The following ZNF490 variants were observed in gnomAD, a reference collection of about 807,000 sequenced individuals.
ZNF490 encodes zinc finger protein 490.
In ZNF490, 11 loss-of-function variants were observed where a neutral mutation model predicts 17.7. That is an observed-to-expected ratio of 0.62 (90% CI 0.39 to 1.03). The LOEUF is 1.03. Among genes scored for constraint, ZNF490 ranks in the 50% least tolerant of loss-of-function variants. The pLI, the probability that ZNF490 is intolerant of heterozygous loss-of-function variation, is 0.00. For synonymous variants in ZNF490, 222 were observed against 216.1 expected (o/e 1.03, Z -0.24); for missense variants, 542 against 643.4 (o/e 0.84, Z 1.71).
intron 2 of ZNF490, among the ~76,000 whole-genome samples, chr19:12,598,209 C>T (rs113024240): frequency 0.029 from 4,320 of 148,702 alleles, 119 homozygotes; most frequent in African/African-American, 0.063. Flanking sequence ...GGTGGCAGAG[C>T]GAGACTCTGT....
chr19:12,591,088 TA>T (rs1269013481), intron 2 of ZNF490, among the ~76,000 whole-genome samples: 2 of 152,034 alleles, frequency 1.3e-5, no homozygotes, highest in Non-Finnish European at 2.9e-5. Flanking sequence ...TTCATTAAAA[TA>T]AAAAAGTCCT....
At chr19:12,591,883 A>G (rs914232601) in intron 2 of ZNF490, among the ~76,000 whole-genome samples, 6 of 151,964 alleles carry the variant, frequency 3.9e-5, no homozygotes, top group Non-Finnish European at 7.4e-5. Context: ...TCATGCTCCT[A>G]GGTATTTACT....
rs2022636932 is a variant in ZNF490 at position 12,576,477 on chromosome 19, G to C, written c.*4008C>G. On this transcript the variant is annotated 3_prime_UTR_variant, in exon 5 of 5. Coordinates refer to ENST00000311437, the MANE Select transcript of ZNF490 (RefSeq NM_020714.3). ...GCCGAGATCATGCCACTGCAGTCCAGCTTGGTGACAGAGCGAGACTGTGTC... is the reference window on the plus strand; with the variant it reads ...GCCGAGATCATGCCACTGCAGTCCACCTTGGTGACAGAGCGAGACTGTGTC... 6.6e-6 allele frequency among the ~76,000 whole-genome samples: 1 copy of C among 151,726 alleles called. No individual in the cohort carries two copies. Among genetic ancestry groups the C allele is most frequent in the Non-Finnish European group, 1.5e-5 (1 of 67,986 alleles).
At position 12,583,566 on chromosome 19, in the gene ZNF490, C is replaced by T; in HGVS notation, c.163-10G>A. On this transcript the variant is annotated splice_polypyrimidine_tract_variant and intron_variant, in intron 2 of 4. Transcript: ENST00000311437. ...CAAGGGAGATGGAGTCCTAAAACAT[C>T]CCCCATGTGTGTTTAGGAGGAGGAG... 1 of 1,580,988 alleles carries T rather than the reference C, an allele frequency of 6.3e-7. No homozygotes were observed. Among genetic ancestry groups the T allele is most frequent in the Non-Finnish European group, 8.6e-7 (1 of 1,160,302 alleles).
At chr19:12,603,999 C>T (rs1035338610) in intron 2 of ZNF490, among the ~76,000 whole-genome samples, 1 of 152,092 alleles carries the variant, frequency 6.6e-6, no homozygotes, top group South Asian at 2.1e-4. Context: ...GTGACTGGAG[C>T]TTTGAAACTT....
chr19:12,600,003 A>G (rs1031517932), intron 2 of ZNF490, among the ~76,000 whole-genome samples: 4 of 152,230 alleles, frequency 2.6e-5, no homozygotes, highest in Admixed American at 6.5e-5. Flanking sequence ...AATCTATAAA[A>G]ATTGCCAAAC....
intron 2 of ZNF490, among the ~76,000 whole-genome samples, chr19:12,607,438 G>A (rs1282689180): frequency 6.6e-6 from 1 of 151,950 alleles, no homozygotes; most frequent in Non-Finnish European, 1.5e-5. Context: ...AGCTACTAGG[G>A]AGCCTGTGAA....
intron 2 of ZNF490, among the ~76,000 whole-genome samples, chr19:12,598,080 T>C (rs796398755): frequency 2.0e-5 from 3 of 151,784 alleles, no homozygotes; most frequent in African/African-American, 4.8e-5. Flanking sequence ...AAAAATTAGC[T>C]GGGCGTGGTG....
chr19:12,581,576 G>A lies in ZNF490; in HGVS notation c.499C>T (p.His167Tyr), dbSNP rs762612959. 20 of 1,614,148 alleles carry A rather than the reference G, an allele frequency of 1.2e-5. No individual in the cohort carries two copies. Among genetic ancestry groups the A allele is most frequent in the Middle Eastern group, 1.6e-4 (1 of 6,062 alleles). The stretch of plus-strand genomic sequence containing the variant: ...ATGTGCCTATTAAGGGAGACCTGAT[G>A]CATGAAGACTTCCCCACACACACTG... ...DCSVCGEVFMHQVSLNRHMRS... is the reference protein window; with the variant it reads ...DCSVCGEVFMYQVSLNRHMRS... The change falls in exon 5 of 5, where the codon CAT becomes TAT. Residue 167 changes from histidine (H) to tyrosine (Y), a missense_variant. His to Tyr is a moderately conservative substitution (Grantham distance 83). Transcript: ENST00000311437.
At position 12,580,056 on chromosome 19, in the gene ZNF490, G is replaced by A. The variant is rs927169423; in HGVS notation, c.*429C>T. The A allele has an allele frequency of 2.9e-5, 23 of 785,938 alleles. No homozygotes were observed. Among genetic ancestry groups the A allele is most frequent in the East Asian group, 1.3e-4 (1 of 7,464 alleles). 48.7% of individuals were successfully genotyped at this position (785,938 alleles called of 1,614,324 possible). A position where few individuals can be genotyped will look rare whatever the true frequency, so the allele number is the denominator to read the frequency against. On this transcript the variant is annotated 3_prime_UTR_variant, in exon 5 of 5. Coordinates refer to ENST00000311437, the MANE Select transcript of ZNF490 (RefSeq NM_020714.3). ...CGGGAGGCGGAGGTTGCGGTGAGCCGCGATCGCACCACTGCACTCCAGCCT... is the reference window on the plus strand; with the variant it reads ...CGGGAGGCGGAGGTTGCGGTGAGCCACGATCGCACCACTGCACTCCAGCCT...
intron 2 of ZNF490, 120 bp downstream of exon 2, chr19:12,609,038 T>C: frequency 1.2e-6 from 1 of 833,748 alleles, no homozygotes; most frequent in Non-Finnish European, 2.0e-6. Context: ...GCCTTGACTA[T>C]GGGAGTGCCT....
At chr19:12,593,778 G>A (rs1364715848) in intron 2 of ZNF490, among the ~76,000 whole-genome samples, 2 of 152,098 alleles carry the variant, frequency 1.3e-5, no homozygotes, top group Non-Finnish European at 2.9e-5. Context: ...CTACACACTC[G>A]CCACTGCTGT....
intron 2 of ZNF490, 103 bp from the exon 3 acceptor site, chr19:12,583,659 G>T: frequency 1.0e-5 from 12 of 1,191,186 alleles, no homozygotes; most frequent in South Asian, 7.4e-5. Flanking sequence ...CTGTAGTCTC[G>T]GTTTAGTGGT....
chr19:12,589,980 T>C (rs1037288511), intron 2 of ZNF490, among the ~76,000 whole-genome samples: 2 of 152,084 alleles, frequency 1.3e-5, no homozygotes, highest in African/African-American at 4.8e-5. Flanking sequence ...ACTGGCACGA[T>C]CTCGGCTCAC....
At chr19:12,599,139 C>CAAAAAAAAAAAAAAA (rs55911311) in intron 2 of ZNF490, among the ~76,000 whole-genome samples, 3 of 68,632 alleles carry the variant, frequency 4.4e-5, no homozygotes, top group African/African-American at 1.3e-4. Context: ...GACTCTGTCT[C>CAAAAAAAAAAAAAAA]AAAAAAAAAA....
In ZNF490 at chr19:12,590,341, T is replaced by C. The variant is rs1599308275; in HGVS notation, c.163-6785A>G. On this transcript the variant is annotated intron_variant, in intron 2 of 4. Transcript: ENST00000311437. ...AAGAGATTTTCCTGCCTCAGCCTCC[T>C]GAGTAGCTGGGATTACAGGTGCACC... 2.6e-5 allele frequency among the ~76,000 whole-genome samples: 4 copies of C among 151,856 alleles called. No homozygotes were observed. The East Asian group carries it at 5.8e-4, about 22-fold the overall frequency.
At position 12,577,432 on chromosome 19, in the gene ZNF490, C is replaced by T; in HGVS notation, c.*3053G>A. 1 of 985,294 alleles carries T rather than the reference C, an allele frequency of 1.0e-6. No individual in the cohort carries two copies. Among genetic ancestry groups the T allele is most frequent in the Non-Finnish European group, 1.2e-6 (1 of 829,858 alleles). 61.0% of individuals were successfully genotyped at this position (985,294 alleles called of 1,614,324 possible). ...CAATAATCATCTCTCTACAAAAGCA[C>T]AACATGGCAGCTCAAGAATGTGAAA... On this transcript the variant is annotated 3_prime_UTR_variant, in exon 5 of 5. Coordinates refer to ENST00000311437, the MANE Select transcript of ZNF490 (RefSeq NM_020714.3).
chr19:12,608,473 T>G (rs1568283983), intron 2 of ZNF490, among the ~76,000 whole-genome samples: 3 of 150,860 alleles, frequency 2.0e-5, no homozygotes, highest in Non-Finnish European at 4.4e-5. Flanking sequence ...ATTTATTTAT[T>G]TATTTATTTA....
At position 12,579,559 on chromosome 19, in the gene ZNF490, C is replaced by T. The variant is rs1354800809; in HGVS notation, c.*926G>A. 7.1e-6 allele frequency: 1 copy of T among 141,424 alleles called. No individual in the cohort carries two copies. The highest frequency in any genetic ancestry group is 1.5e-5 in the Non-Finnish European group (1 of 64,932). 8.8% of individuals were successfully genotyped at this position (141,424 alleles called of 1,614,324 possible). Reference sequence around the variant, plus strand: ...AAAAAAAAAAAAAAAAAAAGTAAAACGAACAATTTGGGAGGCCAAGGTGGG... The same window carrying T: ...AAAAAAAAAAAAAAAAAAAGTAAAATGAACAATTTGGGAGGCCAAGGTGGG... On this transcript the variant is annotated 3_prime_UTR_variant, in exon 5 of 5. Coordinates refer to ENST00000311437, the MANE Select transcript of ZNF490 (RefSeq NM_020714.3).
Sources: allele counts gnomAD v4.1 joint callset (sites outside exome capture counted in the v4.1 genomes callset), GRCh38; gene constraint gnomAD v4.1.1; transcripts MANE v1.5; gene names NCBI Gene and HGNC (gene_info 2026-07-23, HGNC 2026-07-21).